Variants in TNNI3K observed in about 807,000 individuals in gnomAD.
The protein encoded by TNNI3K is TNNI3 interacting kinase.
In TNNI3K, 140 loss-of-function variants were observed where a neutral mutation model predicts 114.5. That is an observed-to-expected ratio of 1.22 (90% CI 1.07 to 1.41). TNNI3K has a LOEUF of 1.41. Ranked by LOEUF, TNNI3K falls within the 40% of genes most tolerant of loss-of-function variation. The pLI is 0.00. For synonymous variants in TNNI3K, 347 were observed against 347.5 expected, an observed-to-expected ratio of 1.00 and a Z score of 0.02; for missense variants, 1,125 against 1,007.6, an observed-to-expected ratio of 1.12 and a Z score of -1.58.
At chr1:74,242,220 T>G (rs140043574) in intron 2 of TNNI3K, among the ~76,000 whole-genome samples, 1 of 152,262 alleles carries the variant, frequency 6.6e-6, no homozygotes, top group Non-Finnish European at 1.5e-5. Flanking sequence ...ATTGAGTAGA[T>G]ACATCTTGGT....
chr1:74,488,867 G>A (rs193252882), intron 21 of TNNI3K, among the ~76,000 whole-genome samples: 24 of 152,230 alleles, frequency 1.6e-4, no homozygotes, highest in Admixed American at 1.2e-3. Flanking sequence ...ATAGTTTTTA[G>A]TATTCACTAT....
chr1:74,245,419 A>C (rs1392145926), intron 2 of TNNI3K, among the ~76,000 whole-genome samples: 1 of 152,288 alleles, frequency 6.6e-6, no homozygotes, highest in Admixed American at 6.5e-5. Flanking sequence ...TAAAGCTAAA[A>C]TTCTCGACCT....
At chr1:74,494,153 C>T (rs528878310) in intron 23 of TNNI3K, among the ~76,000 whole-genome samples, 15 of 152,232 alleles carry the variant, frequency 9.9e-5, no homozygotes, top group South Asian at 4.1e-4. Flanking sequence ...CATTTGCACA[C>T]GGCCCAGTTA....
intron 5 of TNNI3K, among the ~76,000 whole-genome samples, chr1:74,319,986 G>A (rs949184220): frequency 6.6e-6 from 1 of 152,162 alleles, no homozygotes; most frequent in African/African-American, 2.4e-5. Flanking sequence ...TACAGGTTCT[G>A]CCATTTCCTA....
intron 5 of TNNI3K, among the ~76,000 whole-genome samples, chr1:74,286,866 A>G (rs1657363164): frequency 6.6e-6 from 1 of 152,134 alleles, no homozygotes. Context: ...TACCCAGGAA[A>G]CAAAGCACCA....
chr1:74,368,873 A>T, intron 13 of TNNI3K, 149 bp from the exon 14 acceptor site: 1 of 672,204 alleles, frequency 1.5e-6, no homozygotes, highest in Non-Finnish European at 2.4e-6. Context: ...AGGTTTTAGC[A>T]TCTTTAAGTA....
chr1:74,347,463 G>C (rs557367722), intron 9 of TNNI3K, among the ~76,000 whole-genome samples: 73 of 152,090 alleles, frequency 4.8e-4, no homozygotes, highest in Admixed American at 1.6e-3. Context: ...ATAAACATAC[G>C]TGTGCATGTG....
chr1:74,439,910 A>G (rs960646994), intron 20 of TNNI3K, among the ~76,000 whole-genome samples: 2 of 152,072 alleles, frequency 1.3e-5, no homozygotes, highest in Non-Finnish European at 2.9e-5. Flanking sequence ...ATCATGTGGC[A>G]TGTGAGAGCA....
chr1:74,358,623 A>G (rs1661785252), intron 11 of TNNI3K, among the ~76,000 whole-genome samples: 1 of 152,030 alleles, frequency 6.6e-6, no homozygotes, highest in South Asian at 2.1e-4. Context: ...TTGAATTCCT[A>G]TCTATTTCAA....
chr1:74,344,253 A>G (rs980228016), intron 9 of TNNI3K, among the ~76,000 whole-genome samples: 33 of 152,216 alleles, frequency 2.2e-4, no homozygotes, highest in African/African-American at 7.2e-4. Context: ...AATAGTGACC[A>G]TATGCCAGAT....
At chr1:74,441,255 C>A (rs1168226890) in intron 20 of TNNI3K, among the ~76,000 whole-genome samples, 1 of 152,092 alleles carries the variant, frequency 6.6e-6, no homozygotes, top group Non-Finnish European at 1.5e-5. Context: ...ACTTCTCACA[C>A]CTCCAGCCCT....
At position 74,236,225 on chromosome 1, in the gene TNNI3K, G is replaced by A; in HGVS notation, c.149+15G>A. ...AATATATTTGGGTAAAGTTGTAAGA[G>A]TCATTATTTCTTTGTATAAGTGTCT... On this transcript the variant is annotated intron_variant, in intron 2 of 24. Coordinates refer to ENST00000326637, the MANE Select transcript of TNNI3K (RefSeq NM_015978.3). 3 of 1,592,536 alleles carry A rather than the reference G, an allele frequency of 1.9e-6. No individual in the cohort carries two copies. Among genetic ancestry groups the A allele is most frequent in the East Asian group, 2.3e-5 (1 of 44,202 alleles).
intron 9 of TNNI3K, among the ~76,000 whole-genome samples, chr1:74,352,002 T>G (rs1321160684): frequency 6.6e-6 from 1 of 152,212 alleles, no homozygotes; most frequent in Non-Finnish European, 1.5e-5. Context: ...TTTGTTCCAT[T>G]GCTGGTGAGG....
At chr1:74,358,067 A>C (rs1661756366) in intron 11 of TNNI3K, among the ~76,000 whole-genome samples, 1 of 152,186 alleles carries the variant, frequency 6.6e-6, no homozygotes, top group African/African-American at 2.4e-5. Flanking sequence ...ATAGCTCAAT[A>C]GTGTGTCTGG....
chr1:74,480,178 G>C (rs1668411615), intron 21 of TNNI3K: 1 of 717,210 alleles, frequency 1.4e-6, no homozygotes, highest in Non-Finnish European at 2.6e-6. Flanking sequence ...CAGTCAGCAG[G>C]GCCACATCTG....
chr1:74,325,361 T>A (rs1659839924), intron 5 of TNNI3K, among the ~76,000 whole-genome samples: 1 of 152,110 alleles, frequency 6.6e-6, no homozygotes, highest in Non-Finnish European at 1.5e-5. Flanking sequence ...GGGACGGACC[T>A]GGTGATTATG....
intron 17 of TNNI3K, among the ~76,000 whole-genome samples, chr1:74,412,676 G>A (rs988830737): frequency 1.3e-5 from 2 of 151,994 alleles, no homozygotes; most frequent in South Asian, 2.1e-4. Context: ...GTGTAGTGGC[G>A]TGATCTCAGT....
intron 5 of TNNI3K, among the ~76,000 whole-genome samples, chr1:74,316,181 G>T (rs1036730509): frequency 1.3e-5 from 2 of 152,126 alleles, no homozygotes; most frequent in Non-Finnish European, 2.9e-5. Context: ...TAGTGAAAAA[G>T]ACTGGCAATC....
intron 21 of TNNI3K, among the ~76,000 whole-genome samples, chr1:74,482,389 G>C (rs1447371117): frequency 1.3e-5 from 2 of 152,194 alleles, no homozygotes; most frequent in African/African-American, 4.8e-5. Flanking sequence ...AACTGTCTCT[G>C]ATCAGGAAAA....
Sources: allele counts gnomAD v4.1 joint callset (sites outside exome capture counted in the v4.1 genomes callset), GRCh38; gene constraint gnomAD v4.1.1; transcripts MANE v1.5; gene names NCBI Gene and HGNC (gene_info 2026-07-23, HGNC 2026-07-21).